The following GLMN variants were observed in gnomAD, a reference collection of about 807,000 sequenced individuals.
GLMN encodes glomulin, FKBP associated protein, also known as glomulin.
A neutral mutation model predicts 87.8 loss-of-function variants in GLMN; 75 were observed. That is an observed-to-expected ratio of 0.85 (90% confidence interval 0.71 to 1.04). The LOEUF is 1.04. Among genes scored for constraint, GLMN ranks in the 50% least tolerant of loss-of-function variants. The pLI is 0.00. For synonymous variants in GLMN, 206 were observed against 221.6 expected (o/e 0.93, Z 0.63); for missense variants, 588 against 658.8 (o/e 0.89, Z 1.18).
chr1:92,266,389 A>C lies in GLMN; in HGVS notation c.1214+30T>G, dbSNP rs762330002. Reference sequence around the variant, plus strand: ...TAACATGACTTTTAATCAACCACACACTTAGCAATTAGCCATGCTTGATAC... The same window carrying C: ...TAACATGACTTTTAATCAACCACACCCTTAGCAATTAGCCATGCTTGATAC... On this transcript the variant is annotated intron_variant, in intron 13 of 18. Coordinates refer to ENST00000370360, the MANE Select transcript of GLMN (RefSeq NM_053274.3). 2.3e-5 allele frequency: 26 copies of C among 1,119,396 alleles called. No homozygotes were observed. The East Asian group carries it at 6.1e-4, about 26-fold the overall frequency. The allele number at this position is 1,119,396 out of a possible 1,614,324, so 69.3% of individuals were successfully genotyped here. A position where few individuals can be genotyped will look rare whatever the true frequency, so the allele number is the denominator to read the frequency against.
chr1:92,341,909 C>T, the GLMN span, among the ~76,000 whole-genome samples: 1 of 152,346 alleles, frequency 6.6e-6, no homozygotes, highest in South Asian at 2.1e-4. Context: ...TCCCAACGTG[C>T]TAGGATTACA....
At chr1:92,253,708 C>A (rs1485098613) in intron 16 of GLMN, among the ~76,000 whole-genome samples, 1 of 152,132 alleles carries the variant, frequency 6.6e-6, no homozygotes, top group East Asian at 1.9e-4. Flanking sequence ...CTAACAAACA[C>A]AAAGCAATAG....
chr1:92,259,971 A>C (rs1654811976), intron 16 of GLMN, among the ~76,000 whole-genome samples: 1 of 151,922 alleles, frequency 6.6e-6, no homozygotes, highest in Non-Finnish European at 1.5e-5. Context: ...TCCTGACTTC[A>C]TGAACCGCCC....
chr1:92,342,350 A>G, the GLMN span, among the ~76,000 whole-genome samples: 1 of 152,172 alleles, frequency 6.6e-6, no homozygotes, highest in Non-Finnish European at 1.5e-5. Flanking sequence ...CAGAATATTT[A>G]GGTTGCTGGT....
intron 7 of GLMN, among the ~76,000 whole-genome samples, chr1:92,281,263 A>T (rs914955971): frequency 3.3e-5 from 5 of 152,194 alleles, no homozygotes; most frequent in African/African-American, 1.2e-4. Context: ...GACTAACAGC[A>T]GATCTCTCAG....
At chr1:92,309,803 G>A in the GLMN span, among the ~76,000 whole-genome samples, 2 of 152,202 alleles carry the variant, frequency 1.3e-5, no homozygotes, top group Non-Finnish European at 1.5e-5. Context: ...AATGGGTTGG[G>A]ATATTGAACA....
At chr1:92,270,693 A>G (rs1441729703) in intron 8 of GLMN, among the ~76,000 whole-genome samples, 1 of 152,092 alleles carries the variant, frequency 6.6e-6, no homozygotes, top group Admixed American at 6.6e-5. Context: ...TTTAAAAATA[A>G]TTTTAATAAA....
chr1:92,358,969 C>T, the GLMN span, among the ~76,000 whole-genome samples: 1 of 152,224 alleles, frequency 6.6e-6, no homozygotes, highest in Non-Finnish European at 1.5e-5. Context: ...CTATCATCCA[C>T]TCACCTACCA....
chr1:92,275,997 G>A (rs903814337), intron 7 of GLMN, among the ~76,000 whole-genome samples: 3 of 152,158 alleles, frequency 2.0e-5, no homozygotes, highest in African/African-American at 7.2e-5. Context: ...CAAGGTGGGA[G>A]GATCACTTGA....
chr1:92,347,095 G>A, the GLMN span, among the ~76,000 whole-genome samples: 1 of 152,106 alleles, frequency 6.6e-6, no homozygotes, highest in Non-Finnish European at 1.5e-5. Flanking sequence ...GCCAGAATCT[G>A]TGTCACCCAA....
In GLMN at chr1:92,247,128, T is replaced by C; in HGVS notation, c.1602A>G (p.Lys534=). Residue 534 remains lysine (K), a synonymous_variant, in exon 18 of 19, where the codon AAA becomes AAG. Coordinates refer to ENST00000370360, the MANE Select transcript of GLMN (RefSeq NM_053274.3). ...IKNSQEAQKS[K]DLCSITVSGE... ...CACTTACAGTTATAGAACAAAGATC[T>C]TTAGATTTCTGGGCCTCTGTAAGAG... is the stretch of plus-strand genomic sequence containing the variant. The C allele has an allele frequency of 6.4e-7, 1 of 1,550,426 alleles. No homozygotes were observed. The highest frequency in any genetic ancestry group is 8.9e-7 in the Non-Finnish European group (1 of 1,123,270).
At chr1:92,248,348 G>T in intron 16 of GLMN, 1 of 193,496 alleles carries the variant, frequency 5.2e-6, no homozygotes, top group Non-Finnish European at 1.1e-5. Context: ...TCCCAAGTAT[G>T]GCCTTTCAAT....
intron 9 of GLMN, among the ~76,000 whole-genome samples, chr1:92,269,431 T>C (rs533286563): frequency 1.3e-3 from 198 of 152,258 alleles, no homozygotes; most frequent in African/African-American, 4.7e-3. Context: ...GGGGTAGAGG[T>C]GTTTTAATTT....
the GLMN span, among the ~76,000 whole-genome samples, chr1:92,361,498 GAAAAAACAAA>G: frequency 6.6e-6 from 1 of 151,922 alleles, no homozygotes; most frequent in Non-Finnish European, 1.5e-5. Flanking sequence ...CATTGCACGT[GAAAAAACAAA>G]AATAGTTGCT....
chr1:92,253,059 T>C (rs1037913474), intron 16 of GLMN, among the ~76,000 whole-genome samples: 78 of 152,336 alleles, frequency 5.1e-4, no homozygotes, highest in Admixed American at 1.4e-3. Flanking sequence ...GGTTTCCCCT[T>C]TCTTCTAATT....
At chr1:92,270,657 A>G (rs1381386369) in intron 8 of GLMN, among the ~76,000 whole-genome samples, 1 of 152,130 alleles carries the variant, frequency 6.6e-6, no homozygotes, top group Admixed American at 6.6e-5. Context: ...AAAGTCCAGA[A>G]GATATTACAT....
intron 7 of GLMN, among the ~76,000 whole-genome samples, chr1:92,286,191 A>G (rs556282437): frequency 6.6e-6 from 1 of 151,492 alleles, no homozygotes; most frequent in African/African-American, 2.4e-5. Context: ...AAATATTCAT[A>G]ATATACTGTT....
chr1:92,255,611 C>T (rs752805999), intron 16 of GLMN, among the ~76,000 whole-genome samples: 24 of 152,178 alleles, frequency 1.6e-4, no homozygotes, highest in Non-Finnish European at 3.2e-4. Context: ...AAGAAACTCA[C>T]TCAAAACCAC....
chr1:92,320,687 A>G, the GLMN span: 1 of 1,439,762 alleles, frequency 6.9e-7, no homozygotes, highest in East Asian at 2.3e-5. Flanking sequence ...TAATAGAAAC[A>G]TTAGGAGTGA....
Sources: gnomAD v4.1 joint callset for allele counts (sites outside exome capture counted in the v4.1 genomes callset) on GRCh38, gnomAD v4.1.1 for gene constraint, MANE v1.5 for transcripts, NCBI Gene and HGNC (gene_info 2026-07-23, HGNC 2026-07-21) for gene names.